Variants in RPTOR observed in about 807,000 individuals in gnomAD.
The protein encoded by RPTOR is regulatory-associated protein of mTOR.
Under a neutral mutation model 169.9 loss-of-function variants are expected in RPTOR, and 21 were observed. The observed-to-expected ratio is 0.12, with a 90% CI of 0.09 to 0.18. RPTOR has a LOEUF of 0.18. RPTOR is among the 10% of genes least tolerant of loss of function. The pLI, the probability that RPTOR is intolerant of heterozygous loss-of-function variation, is 1.00. For synonymous variants in RPTOR, 732 were observed against 753.2 expected (o/e 0.97, Z 0.46); for missense variants, 1,133 against 1,855.9 (o/e 0.61, Z 7.16).
At position 80,952,967 on chromosome 17, in the gene RPTOR, C is replaced by T. The variant is rs1222697351; in HGVS notation, c.3370+3420C>T. 4.1e-5 allele frequency among the ~76,000 whole-genome samples: 6 copies of T among 147,708 alleles called. No homozygotes were observed. The South Asian group carries it at 8.5e-4, about 21-fold the overall frequency. ...GCAACCTCCGCCTCCCAGGTTCAAG[C>T]GATTCTCCTGCCTCAGCCTCCCAAG... On this transcript the variant is annotated intron_variant, in intron 28 of 33. Transcript: ENST00000306801.
intron 5 of RPTOR, among the ~76,000 whole-genome samples, chr17:80,732,963 T>A (rs1226540457): frequency 6.6e-6 from 1 of 152,212 alleles, no homozygotes; most frequent in Non-Finnish European, 1.5e-5. Context: ...GTTCCAGGGT[T>A]TAAAAAATAA....
At position 80,707,743 on chromosome 17, in the gene RPTOR, C is replaced by A; in HGVS notation, c.349-98C>A. Reference sequence around the variant, plus strand: ...TCAGAGCCATGTGTCCAGGACCACACAGCTATTAACTGCAAACCCAGAGGA... The same window carrying A: ...TCAGAGCCATGTGTCCAGGACCACAAAGCTATTAACTGCAAACCCAGAGGA... On this transcript the variant is annotated intron_variant, in intron 3 of 33. Coordinates refer to ENST00000306801, the MANE Select transcript of RPTOR (RefSeq NM_020761.3). This position sits in a 1 kb window ranked among gnomAD's most constrained non-coding sequence, Gnocchi z 5.0. 8.6e-7 allele frequency: 1 copy of A among 1,164,922 alleles called. No individual in the cohort carries two copies. Among genetic ancestry groups the A allele is most frequent in the Non-Finnish European group, 1.2e-6 (1 of 819,842 alleles). 72.2% of individuals were successfully genotyped at this position (1,164,922 alleles called of 1,614,324 possible). A position where few individuals can be genotyped will look rare whatever the true frequency, so the allele number is the denominator to read the frequency against.
intron 5 of RPTOR, among the ~76,000 whole-genome samples, chr17:80,750,301 T>G (rs1396280238): frequency 6.6e-6 from 1 of 152,236 alleles, no homozygotes; most frequent in African/African-American, 2.4e-5. Flanking sequence ...GTTGTTTCCT[T>G]TTTAATCCTC....
chr17:80,858,068 GC>G, intron 13 of RPTOR, 168 bp downstream of exon 13: 1 of 628,444 alleles, frequency 1.6e-6, no homozygotes, highest in South Asian at 1.8e-5. Flanking sequence ...CGCCTCGGCA[GC>G]CACCTCTGGG....
chr17:80,962,642 G>A (rs960316988), intron 32 of RPTOR, 65 bp downstream of exon 32: 12 of 1,433,178 alleles, frequency 8.4e-6, no homozygotes, highest in African/African-American at 4.2e-5. Context: ...GCAAACGGGA[G>A]GCTCTTGTGT....
chr17:80,808,028 C>T (rs2067236836), intron 7 of RPTOR, among the ~76,000 whole-genome samples: 1 of 152,138 alleles, frequency 6.6e-6, no homozygotes, highest in Non-Finnish European at 1.5e-5. Flanking sequence ...GGCACAGTGG[C>T]TCATGCCTGT....
chr17:80,743,327 G>A (rs1305594883), intron 5 of RPTOR: 11 of 985,424 alleles, frequency 1.1e-5, no homozygotes, highest in Non-Finnish European at 1.3e-5. Flanking sequence ...CGCTCTTGCA[G>A]GTTCCGCCGT....
intron 6 of RPTOR, 68 bp from the exon 7 acceptor site, chr17:80,791,382 G>C: frequency 7.0e-7 from 1 of 1,428,848 alleles, no homozygotes; most frequent in Non-Finnish European, 9.8e-7. Flanking sequence ...CCCTTTTTCT[G>C]CAGGCCTGTT....
intron 33 of RPTOR, among the ~76,000 whole-genome samples, chr17:80,963,797 C>T (rs1402570543): frequency 1.5e-5 from 2 of 134,408 alleles, no homozygotes; most frequent in Admixed American, 7.0e-5. Context: ...GTCCCCTCTG[C>T]GGCCCTCACC....
At chr17:80,713,840 A>G (rs2066217319) in intron 4 of RPTOR, among the ~76,000 whole-genome samples, 2 of 152,230 alleles carry the variant, frequency 1.3e-5, no homozygotes, top group South Asian at 4.1e-4. Context: ...TTAACAGGAA[A>G]AGTATGCAAA....
intron 7 of RPTOR, among the ~76,000 whole-genome samples, chr17:80,818,480 G>A (rs1042433490): frequency 2.6e-5 from 4 of 152,108 alleles, no homozygotes; most frequent in Admixed American, 1.3e-4. Context: ...ACTCAGCATT[G>A]GTTAGGATCA....
chr17:80,616,148 A>C (rs2065307817), intron 1 of RPTOR, among the ~76,000 whole-genome samples: 1 of 152,248 alleles, frequency 6.6e-6, no homozygotes, highest in Non-Finnish European at 1.5e-5. Flanking sequence ...GAAGAGTGGA[A>C]GGAAAATTAG....
chr17:80,852,844 G>A (rs995772014), intron 11 of RPTOR, among the ~76,000 whole-genome samples: 22 of 152,006 alleles, frequency 1.4e-4, no homozygotes, highest in Non-Finnish European at 2.5e-4. Flanking sequence ...ACCCCCAGGA[G>A]CTTGACCCAG....
In RPTOR at chr17:80,846,408, G is replaced by T. The variant is rs765758137; in HGVS notation, c.1213-65G>T. ...GCTTGGATGCCCGGCAGGTGGCAGGGGTGGGCAAGACCAGGCCATCTGGGA... is the reference window on the plus strand; with the variant it reads ...GCTTGGATGCCCGGCAGGTGGCAGGTGTGGGCAAGACCAGGCCATCTGGGA... On this transcript the variant is annotated intron_variant, in intron 10 of 33. Coordinates refer to ENST00000306801, the MANE Select transcript of RPTOR (RefSeq NM_020761.3). 1.7e-5 allele frequency: 25 copies of T among 1,498,050 alleles called. No individual in the cohort carries two copies. The East Asian group carries it at 5.2e-4, about 31-fold the overall frequency. 92.8% of individuals were successfully genotyped at this position (1,498,050 alleles called of 1,614,324 possible).
intron 21 of RPTOR, among the ~76,000 whole-genome samples, chr17:80,915,040 G>A (rs1249990625): frequency 6.6e-6 from 1 of 152,254 alleles, no homozygotes; most frequent in Non-Finnish European, 1.5e-5. Flanking sequence ...GGAAACGATG[G>A]CATAACCTGC....
intron 1 of RPTOR, among the ~76,000 whole-genome samples, chr17:80,582,357 T>C (rs1382082087): frequency 6.6e-6 from 1 of 152,116 alleles, no homozygotes; most frequent in African/African-American, 2.4e-5. Flanking sequence ...AGGAGCACTG[T>C]TGCCAAGTCC....
chr17:80,798,043 C>G (rs568620820), intron 7 of RPTOR, among the ~76,000 whole-genome samples: 1 of 152,340 alleles, frequency 6.6e-6, no homozygotes, highest in East Asian at 1.9e-4. Flanking sequence ...CTGAACATGT[C>G]AGCCATGTTT....
At chr17:80,583,810 C>T (rs1359729405) in intron 1 of RPTOR, among the ~76,000 whole-genome samples, 1 of 152,202 alleles carries the variant, frequency 6.6e-6, no homozygotes, top group Non-Finnish European at 1.5e-5. Flanking sequence ...TGCCTCCAGC[C>T]CTGCCGTTGG....
At chr17:80,624,342 A>G (rs539634086) in intron 1 of RPTOR, among the ~76,000 whole-genome samples, 1 of 152,376 alleles carries the variant, frequency 6.6e-6, no homozygotes, top group South Asian at 2.1e-4. Context: ...TTAAGTTAAA[A>G]TTAAACTTCA....
Sources: gnomAD v4.1 joint callset for allele counts (sites outside exome capture counted in the v4.1 genomes callset) on GRCh38, gnomAD v4.1.1 for gene constraint, Gnocchi (gnomAD v3.1) non-coding constraint, MANE v1.5 for transcripts, NCBI Gene and HGNC (gene_info 2026-07-23, HGNC 2026-07-21) for gene names.